The following GAB2 variants were observed in gnomAD, a reference collection of about 807,000 sequenced individuals.
GAB2 encodes the protein GRB2 associated binding protein 2.
In GAB2, 26 loss-of-function variants were observed where a neutral mutation model predicts 65.5. That is an observed-to-expected ratio of 0.40 (90% CI 0.29 to 0.55). The LOEUF is 0.55. Among genes scored for constraint, GAB2 ranks in the 20% least tolerant of loss-of-function variants. The probability of loss-of-function intolerance (pLI) is 0.53; values close to 1 mark genes in which losing one functional copy is unlikely to be tolerated. For missense variants in GAB2, 884 were observed against 875.8 expected, an observed-to-expected ratio of 1.01 and a Z score of -0.12; for synonymous variants, 321 against 329.6, an observed-to-expected ratio of 0.97 and a Z score of 0.28.
intron 4 of GAB2, among the ~76,000 whole-genome samples, chr11:78,226,072 A>G (rs926683118): frequency 3.3e-5 from 5 of 152,258 alleles, no homozygotes; most frequent in Non-Finnish European, 7.3e-5. Flanking sequence ...GCAGTCTGTT[A>G]GTCCACACAG....
chr11:78,340,929 G>C (rs1302933448), intron 1 of GAB2, among the ~76,000 whole-genome samples: 1 of 152,146 alleles, frequency 6.6e-6, no homozygotes, highest in Non-Finnish European at 1.5e-5. Context: ...GAAGCAGGAA[G>C]GGATAAGCCT....
At position 78,217,465 on chromosome 11, in the gene GAB2, A is replaced by G. The variant is rs1030762461; in HGVS notation, c.*1807T>C. The G allele has an allele frequency of 6.6e-6, 1 of 152,286 alleles. No individual in the cohort carries two copies. Among genetic ancestry groups the G allele is most frequent in the Admixed American group, 6.5e-5 (1 of 15,278 alleles). 9.4% of individuals were successfully genotyped at this position (152,286 alleles called of 1,614,324 possible). A position where few individuals can be genotyped will look rare whatever the true frequency, so the allele number is the denominator to read the frequency against. On this transcript the variant is annotated 3_prime_UTR_variant, in exon 10 of 10. Transcript: ENST00000361507. ...AGGCCATTGGTCTGGTGAACTATGC[A>G]TGCTCATGGGAGCTGAAAGGGGAAT...
chr11:78,325,392 C>A (rs1387377176), intron 1 of GAB2, among the ~76,000 whole-genome samples: 1 of 152,170 alleles, frequency 6.6e-6, no homozygotes, highest in African/African-American at 2.4e-5. Context: ...CCTGAAGCCA[C>A]AGAATTAATT....
intron 1 of GAB2, among the ~76,000 whole-genome samples, chr11:78,378,124 TCCCTA>T (rs1856654340): frequency 6.6e-6 from 1 of 152,170 alleles, no homozygotes; most frequent in African/African-American, 2.4e-5. Context: ...TCAGTATCCT[TCCCTA>T]GGATTTTAAA....
At chr11:78,278,763 C>A (rs1866246849) in intron 2 of GAB2, among the ~76,000 whole-genome samples, 1 of 151,822 alleles carries the variant, frequency 6.6e-6, no homozygotes, top group African/African-American at 2.4e-5. Flanking sequence ...TTCTGTCATC[C>A]AGGCTGGAGT....
At chr11:78,417,617 C>T in intron 1 of GAB2, 29 bp downstream of exon 1, 2 of 1,270,514 alleles carry the variant, frequency 1.6e-6, no homozygotes, top group South Asian at 1.5e-5. Flanking sequence ...GCCCCCCGCC[C>T]GCCCCTGGGC....
intron 2 of GAB2, among the ~76,000 whole-genome samples, chr11:78,267,766 A>T (rs1394609995): frequency 6.6e-6 from 1 of 151,026 alleles, no homozygotes; most frequent in Non-Finnish European, 1.5e-5. Context: ...GCTGAGGCAG[A>T]AGAATGGCAT....
At position 78,226,817 on chromosome 11, in the gene GAB2, G is replaced by C. The variant is rs755736799; in HGVS notation, c.855C>G (p.Ser285=). Residue 285 remains serine, a synonymous_variant, in exon 4 of 10, where the codon TCC becomes TCG. Coordinates refer to ENST00000361507, the MANE Select transcript of GAB2 (RefSeq NM_080491.3). ...HGHTKGSLTG[S]ETDNEDVYTF... is the part of the protein sequence containing the mutation. ...TGTACACATCCTCATTATCTGTCTCGGAGCCTGTGAGGCTGCCCTTGGTGT... is the reference window on the plus strand; with the variant it reads ...TGTACACATCCTCATTATCTGTCTCCGAGCCTGTGAGGCTGCCCTTGGTGT... 6 of 1,613,956 alleles carry C rather than the reference G, an allele frequency of 3.7e-6. No individual in the cohort carries two copies. Among genetic ancestry groups the C allele is most frequent in the Non-Finnish European group, 5.1e-6 (6 of 1,179,950 alleles).
At chr11:78,274,662 G>A (rs1866117926) in intron 2 of GAB2, among the ~76,000 whole-genome samples, 1 of 152,206 alleles carries the variant, frequency 6.6e-6, no homozygotes, top group African/African-American at 2.4e-5. Context: ...CTAACCAATA[G>A]AGCCTGATGA....
chr11:78,253,042 G>A (rs1301043818), intron 2 of GAB2, among the ~76,000 whole-genome samples: 2 of 119,488 alleles, frequency 1.7e-5, no homozygotes, highest in African/African-American at 6.8e-5. Context: ...ACAGAGTCTC[G>A]CTCTGTCATC....
At chr11:78,301,857 G>C (rs1302208598) in intron 1 of GAB2, among the ~76,000 whole-genome samples, 1 of 152,066 alleles carries the variant, frequency 6.6e-6, no homozygotes, top group Non-Finnish European at 1.5e-5. Flanking sequence ...TAGACCAATG[G>C]AACACAATAG....
rs78697978 is a variant in GAB2 at position 78,293,708 on chromosome 11, G to A, written c.76-12807C>T. 5.1e-3 allele frequency among the ~76,000 whole-genome samples: 781 copies of A among 152,220 alleles called. 4 individuals carry two copies. Among genetic ancestry groups the A allele is most frequent in the African/African-American group, 0.018 (732 of 41,558 alleles). ...CAGAGTCATTAAGATTCAACTCCAG[G>A]ACCTTTGTTTTGTGTTACTCAAACT... On this transcript the variant is annotated intron_variant, in intron 1 of 9. Transcript: ENST00000361507.
At chr11:78,301,314 T>C (rs2134626273) in intron 1 of GAB2, among the ~76,000 whole-genome samples, 1 of 151,266 alleles carries the variant, frequency 6.6e-6, no homozygotes, top group East Asian at 2.0e-4. Flanking sequence ...ATTCATTTTC[T>C]TAGTGGTATC....
chr11:78,397,888 T>A (rs1349149670), intron 1 of GAB2, among the ~76,000 whole-genome samples: 1 of 152,198 alleles, frequency 6.6e-6, no homozygotes, highest in Non-Finnish European at 1.5e-5. Flanking sequence ...ATAGTCTCTG[T>A]TGGTATCCAA....
chr11:78,416,305 C>T (rs1857194866), intron 1 of GAB2, among the ~76,000 whole-genome samples: 1 of 152,188 alleles, frequency 6.6e-6, no homozygotes, highest in African/African-American at 2.4e-5. Flanking sequence ...CAAACATCTA[C>T]CTAAGAGCCT....
chr11:78,252,246 C>T (rs980520792), intron 2 of GAB2, among the ~76,000 whole-genome samples: 2 of 152,228 alleles, frequency 1.3e-5, no homozygotes, highest in African/African-American at 4.8e-5. Flanking sequence ...CAGTGTACAA[C>T]AGAAAAAGCT....
intron 2 of GAB2, among the ~76,000 whole-genome samples, chr11:78,252,097 A>G (rs1865471536): frequency 6.6e-6 from 1 of 152,226 alleles, no homozygotes; most frequent in Non-Finnish European, 1.5e-5. Flanking sequence ...AAGGGGACAC[A>G]GTTCACCTTC....
intron 1 of GAB2, among the ~76,000 whole-genome samples, chr11:78,385,777 G>C (rs1294156616): frequency 6.6e-6 from 1 of 152,152 alleles, no homozygotes; most frequent in Non-Finnish European, 1.5e-5. Context: ...TAGATGTGAT[G>C]AAAGAATACA....
chr11:78,256,327 G>C (rs922796348), intron 2 of GAB2, among the ~76,000 whole-genome samples: 2 of 152,204 alleles, frequency 1.3e-5, no homozygotes, highest in Non-Finnish European at 2.9e-5. Context: ...CTAGAGTTTT[G>C]TTAAGAAGGT....
Sources: allele counts gnomAD v4.1 joint callset (sites outside exome capture counted in the v4.1 genomes callset), GRCh38; gene constraint gnomAD v4.1.1; transcripts MANE v1.5; gene names NCBI Gene and HGNC (gene_info 2026-07-23, HGNC 2026-07-21).